The following NFXL1 variants were observed in gnomAD, a reference collection of about 807,000 sequenced individuals.
The protein encoded by NFXL1 is NF-X1-type zinc finger protein NFXL1.
NFXL1 carries 66 observed loss-of-function variants against 123.3 expected under a neutral mutation model. The ratio of observed to expected loss-of-function variants is 0.54; its 90% CI spans 0.44 to 0.66. The LOEUF is 0.66. NFXL1 is among the 30% of genes least tolerant of loss of function. NFXL1 has a pLI of 0.00. For synonymous variants in NFXL1, 346 were observed against 360.8 expected, an observed-to-expected ratio of 0.96 and a Z score of 0.46; for missense variants, 944 against 1,125.6, an observed-to-expected ratio of 0.84 and a Z score of 2.31.
At chr4:47,901,419 T>C (rs1024055030) in intron 5 of NFXL1, among the ~76,000 whole-genome samples, 1 of 152,128 alleles carries the variant, frequency 6.6e-6, no homozygotes, top group African/African-American at 2.4e-5. Context: ...TTTCCTCCTC[T>C]GTGGCAAAAC....
At chr4:47,909,248 T>G (rs967620726) in intron 3 of NFXL1, among the ~76,000 whole-genome samples, 4 of 152,136 alleles carry the variant, frequency 2.6e-5, no homozygotes, top group Non-Finnish European at 5.9e-5. Flanking sequence ...AAGCCAAGAA[T>G]CAAACCGTAG....
intron 11 of NFXL1, among the ~76,000 whole-genome samples, chr4:47,892,346 G>A (rs1182160496): frequency 1.3e-5 from 2 of 152,226 alleles, no homozygotes; most frequent in Non-Finnish European, 2.9e-5. Flanking sequence ...TCGTAGTTCA[G>A]AGAGGCCAGT....
chr4:47,907,790 A>G (rs920661036), intron 3 of NFXL1, among the ~76,000 whole-genome samples: 1 of 152,216 alleles, frequency 6.6e-6, no homozygotes, highest in Non-Finnish European at 1.5e-5. Flanking sequence ...ACATTATTGC[A>G]TTTTCTATTT....
chr4:47,878,146 AAACT>A (rs1664267796), intron 17 of NFXL1, among the ~76,000 whole-genome samples: 1 of 152,088 alleles, frequency 6.6e-6, no homozygotes, highest in African/African-American at 2.4e-5. Context: ...TCAGGTTTGA[AAACT>A]AACTTAGAGT....
At position 47,896,662 on chromosome 4, in the gene NFXL1, A is replaced by G. The variant is rs1241578681; in HGVS notation, c.1205-15T>C. The G allele has an allele frequency of 6.3e-7, 1 of 1,580,448 alleles. No individual in the cohort carries two copies. The highest frequency in any genetic ancestry group is 8.7e-7 in the Non-Finnish European group (1 of 1,151,644). ...CAAAGAAAACTCTAAAAACATACAA[A>G]AAGTCAATGTTAATAATGAGACATT... On this transcript the variant is annotated splice_polypyrimidine_tract_variant and intron_variant, in intron 9 of 22. Transcript: ENST00000507489.
intron 12 of NFXL1, among the ~76,000 whole-genome samples, chr4:47,890,206 C>T (rs1736684711): frequency 6.6e-6 from 1 of 151,952 alleles, no homozygotes; most frequent in East Asian, 1.9e-4. Context: ...CATATCTAAT[C>T]CTTTACTAGA....
At chr4:47,870,246 T>G (rs1371091515) in intron 18 of NFXL1, among the ~76,000 whole-genome samples, 1 of 152,184 alleles carries the variant, frequency 6.6e-6, no homozygotes, top group Non-Finnish European at 1.5e-5. Flanking sequence ...AATTTAAAAA[T>G]TATAGACTAA....
chr4:47,859,841 C>CAAAAAAAAAAAAAAAAA (rs938207203), intron 19 of NFXL1, among the ~76,000 whole-genome samples: 4 of 14,312 alleles, frequency 2.8e-4, no homozygotes, highest in Non-Finnish European at 3.7e-4. Context: ...GACTCCATCT[C>CAAAAAAAAAAAAAAAAA]AAAAAAAAAA....
chr4:47,871,213 CGTGG>C (rs943447049), intron 18 of NFXL1, among the ~76,000 whole-genome samples: 5 of 151,966 alleles, frequency 3.3e-5, no homozygotes, highest in African/African-American at 9.7e-5. Context: ...ATTAGCTGGG[CGTGG>C]TGGCAGGCGC....
At chr4:47,891,445 G>C (rs1736765362) in intron 11 of NFXL1, among the ~76,000 whole-genome samples, 1 of 152,096 alleles carries the variant, frequency 6.6e-6, no homozygotes, top group African/African-American at 2.4e-5. Flanking sequence ...CATAGATTAA[G>C]AGATTAAAGA....
At chr4:47,887,989 A>C (rs1328215400) in intron 12 of NFXL1, among the ~76,000 whole-genome samples, 1 of 152,132 alleles carries the variant, frequency 6.6e-6, no homozygotes, top group Non-Finnish European at 1.5e-5. Context: ...AAAAAACTAT[A>C]AATCGGCTGG....
At chr4:47,890,726 A>C in intron 11 of NFXL1, 23 bp from the exon 12 acceptor site, 1 of 1,402,032 alleles carries the variant, frequency 7.1e-7, no homozygotes, top group Non-Finnish European at 1.0e-6. Flanking sequence ...CAATATATAA[A>C]GAACAGGTAA....
chr4:47,875,322 T>G (rs1219177522), intron 17 of NFXL1, 29 bp from the exon 18 acceptor site: 3 of 1,577,348 alleles, frequency 1.9e-6, no homozygotes, highest in Admixed American at 1.8e-5. Context: ...ATAAATCACC[T>G]AAGTACAAGG....
chr4:47,904,818 T>C (rs1296907789), intron 4 of NFXL1, among the ~76,000 whole-genome samples: 2 of 152,204 alleles, frequency 1.3e-5, no homozygotes, highest in Admixed American at 1.3e-4. Flanking sequence ...CTTCCCAAAA[T>C]GCCTTTAACA....
chr4:47,886,377 T>C (rs1345679695), intron 12 of NFXL1, among the ~76,000 whole-genome samples: 2 of 148,806 alleles, frequency 1.3e-5, no homozygotes, highest in African/African-American at 4.9e-5. Context: ...ACTTTTCTCT[T>C]TTTTTTTTTG....
Position 47,884,342 on chromosome 4 carries a change from T to C in NFXL1, c.1916+4A>G. On this transcript the variant is annotated splice_donor_region_variant and intron_variant, in intron 15 of 22. Transcript: ENST00000507489. ...TTTTTTTTAATTGAAATTCTAATAC[T>C]TACATAGGAATAGGAACTTGACATG... 6.6e-6 allele frequency: 10 copies of C among 1,518,036 alleles called. No individual in the cohort carries two copies. Among genetic ancestry groups the C allele is most frequent in the Non-Finnish European group, 9.0e-6 (10 of 1,105,954 alleles). 94.0% of individuals were successfully genotyped at this position (1,518,036 alleles called of 1,614,324 possible). A position where few individuals can be genotyped will look rare whatever the true frequency, so the allele number is the denominator to read the frequency against.
At chr4:47,877,735 C>CA (rs969663236) in intron 17 of NFXL1, among the ~76,000 whole-genome samples, 12 of 151,446 alleles carry the variant, frequency 7.9e-5, no homozygotes, top group Admixed American at 5.9e-4. Flanking sequence ...AATTAAAGAC[C>CA]AAAAAAATAA....
intron 19 of NFXL1, among the ~76,000 whole-genome samples, chr4:47,860,844 G>A: frequency 6.6e-6 from 1 of 151,338 alleles, no homozygotes; most frequent in East Asian, 1.9e-4. Context: ...CTAGAGGGGG[G>A]CCCAGCAATC....
At chr4:47,872,245 C>T (rs375271376) in intron 18 of NFXL1, among the ~76,000 whole-genome samples, 60 of 152,160 alleles carry the variant, frequency 3.9e-4, no homozygotes, top group African/African-American at 1.3e-3. Context: ...GGGTGGATCA[C>T]GAGGTCAGGA....
Sources: gnomAD v4.1 joint callset for allele counts (sites outside exome capture counted in the v4.1 genomes callset) on GRCh38, gnomAD v4.1.1 for gene constraint, MANE v1.5 for transcripts, NCBI Gene and HGNC (gene_info 2026-07-23, HGNC 2026-07-21) for gene names.